The following SDK2 variants were observed in gnomAD, a reference collection of about 807,000 sequenced individuals.
The protein encoded by SDK2 is protein sidekick-2.
SDK2 carries 105 observed loss-of-function variants against 253.9 expected under a neutral mutation model. The observed-to-expected ratio is 0.41, with a 90% confidence interval of 0.35 to 0.49. The LOEUF is 0.49. Ranked by LOEUF, SDK2 falls within the 20% of genes least tolerant of loss-of-function variation. The pLI is 0.06. For missense variants in SDK2, 2,608 were observed against 3,003.0 expected (o/e 0.87, Z 3.07); for synonymous variants, 1,249 against 1,234.9 (o/e 1.01, Z -0.24).
chr17:73,475,174 T>C (rs577851871), intron 2 of SDK2, among the ~76,000 whole-genome samples: 26 of 151,958 alleles, frequency 1.7e-4, no homozygotes, highest in Non-Finnish European at 2.9e-4. Flanking sequence ...TTTTTTGAGA[T>C]GGAGTCTCAC....
chr17:73,640,092 G>A (rs2046379183), intron 1 of SDK2, among the ~76,000 whole-genome samples: 1 of 152,166 alleles, frequency 6.6e-6, no homozygotes, highest in South Asian at 2.1e-4. Context: ...CAGCCATTCA[G>A]GCGCTGTTTA....
intron 2 of SDK2, among the ~76,000 whole-genome samples, chr17:73,483,673 A>G (rs1267803210): frequency 0.33 from 23,271 of 70,632 alleles, 4,816 homozygotes; most frequent in Admixed American, 0.38. Flanking sequence ...ATATATATAT[A>G]TATATATATT....
At chr17:73,547,960 G>A (rs2044991575) in intron 1 of SDK2, among the ~76,000 whole-genome samples, 1 of 152,210 alleles carries the variant, frequency 6.6e-6, no homozygotes. Flanking sequence ...GAAGAAGCAA[G>A]CATGTCTTAC....
chr17:73,493,005 C>T (rs1251485396), intron 2 of SDK2, among the ~76,000 whole-genome samples: 1 of 152,174 alleles, frequency 6.6e-6, no homozygotes, highest in African/African-American at 2.4e-5. Flanking sequence ...GGGTGGAAAG[C>T]GGGAGATTCT....
chr17:73,401,915 G>C (rs759984791), intron 19 of SDK2, 31 bp downstream of exon 19: 23 of 1,519,782 alleles, frequency 1.5e-5, no homozygotes, highest in Middle Eastern at 1.9e-4. Context: ...GGCGGGGGGG[G>C]GCAGAAAGAG....
chr17:73,545,635 T>C (rs1370020968), intron 1 of SDK2, among the ~76,000 whole-genome samples: 2 of 150,888 alleles, frequency 1.3e-5, no homozygotes, highest in Admixed American at 6.6e-5. Context: ...CACTGGGAGG[T>C]TGGGGGACAG....
In SDK2 at chr17:73,474,835, A is replaced by G. The variant is rs370992442; in HGVS notation, c.225-2617T>C. 5.9e-5 allele frequency among the ~76,000 whole-genome samples: 9 copies of G among 152,352 alleles called. No homozygotes were observed. The South Asian group carries it at 6.2e-4, about 11-fold the overall frequency. ...GCTCTCTGCCTTTGGAAATGGAATCAGATATTATTAAAAAGCACCAGAGAG... is the reference window on the plus strand; with the variant it reads ...GCTCTCTGCCTTTGGAAATGGAATCGGATATTATTAAAAAGCACCAGAGAG... On this transcript the variant is annotated intron_variant, in intron 2 of 44. Transcript: ENST00000392650.
chr17:73,414,528 G>T (rs1187682882), intron 18 of SDK2, 116 bp downstream of exon 18: 20 of 764,980 alleles, frequency 2.6e-5, no homozygotes, highest in Non-Finnish European at 3.8e-5. Context: ...AGCTTGACTC[G>T]AGCCAATGAC....
chr17:73,548,462 T>C (rs1272894272), intron 1 of SDK2, among the ~76,000 whole-genome samples: 2 of 152,258 alleles, frequency 1.3e-5, no homozygotes, highest in Non-Finnish European at 2.9e-5. Context: ...CCCCTGCAGC[T>C]TCCTAGGCAC....
intron 29 of SDK2, 47 bp downstream of exon 29, chr17:73,390,240 C>G: frequency 6.8e-7 from 1 of 1,467,402 alleles, no homozygotes; most frequent in East Asian, 2.4e-5. Context: ...CTGGCTGGCC[C>G]CCCCTCAGCT....
intron 1 of SDK2, among the ~76,000 whole-genome samples, chr17:73,623,570 G>C (rs144300403): frequency 6.6e-6 from 1 of 152,204 alleles, no homozygotes; most frequent in Non-Finnish European, 1.5e-5. Context: ...TACCCTAACC[G>C]AGTTCAGTGC....
intron 36 of SDK2, among the ~76,000 whole-genome samples, chr17:73,373,693 G>A (rs1303089385): frequency 6.6e-6 from 1 of 151,924 alleles, no homozygotes; most frequent in East Asian, 1.9e-4. Context: ...GTCTTGCTCT[G>A]TCACCCAGGC....
At chr17:73,528,587 C>T (rs2064144652) in intron 1 of SDK2, among the ~76,000 whole-genome samples, 1 of 152,336 alleles carries the variant, frequency 6.6e-6, no homozygotes. Context: ...TACTGCCTCA[C>T]TAAGCCCCAG....
chr17:73,584,055 C>T (rs1376606788), intron 1 of SDK2, among the ~76,000 whole-genome samples: 1 of 152,224 alleles, frequency 6.6e-6, no homozygotes, highest in African/African-American at 2.4e-5. Context: ...TCACTCAAAG[C>T]TCACAAGGCC....
Position 73,443,010 on chromosome 17 carries a change from A to G in SDK2, c.614-2087T>C, listed in dbSNP as rs1599571195. ...TGCCTGATCCATGGCTCCTGAAAAT[A>G]CAACCTCTGAGGACTTTTTCTCCAC... On this transcript the variant is annotated intron_variant, in intron 5 of 44. Transcript: ENST00000392650. The surrounding 1 kb of genome is among the most constrained non-coding windows in gnomAD (Gnocchi z 4.6). Among the ~76,000 whole-genome samples the G allele has an allele frequency of 6.6e-6, 1 of 152,076 alleles. No individual in the cohort carries two copies. Among genetic ancestry groups the G allele is most frequent in the African/African-American group, 2.4e-5 (1 of 41,416 alleles).
In SDK2 at chr17:73,334,990, A is replaced by T. The variant is rs1261199521; in HGVS notation, c.*3597T>A. On this transcript the variant is annotated 3_prime_UTR_variant, in exon 45 of 45. Coordinates refer to ENST00000392650, the MANE Select transcript of SDK2 (RefSeq NM_001144952.2). Reference sequence around the variant, plus strand: ...ACTGCCCAGGGAGGCGTGGGCAGCAACAGAAGGCCTTGAGGCAGCGTGCAC... The same window carrying T: ...ACTGCCCAGGGAGGCGTGGGCAGCATCAGAAGGCCTTGAGGCAGCGTGCAC... 6.6e-6 allele frequency: 1 copy of T among 152,296 alleles called. No homozygotes were observed. The highest frequency in any genetic ancestry group is 1.5e-5 in the Non-Finnish European group (1 of 68,146). The allele number at this position is 152,296 out of a possible 1,614,324, so 9.4% of individuals were successfully genotyped here.
At chr17:73,350,141 C>A in intron 43 of SDK2, 96 bp downstream of exon 43, 5 of 714,620 alleles carry the variant, frequency 7.0e-6, no homozygotes, top group African/African-American at 2.5e-5. Context: ...CAAGGTATGG[C>A]CAGGTGGGCA....
chr17:73,356,481 A>G (rs1374927427), intron 40 of SDK2, among the ~76,000 whole-genome samples: 2 of 152,166 alleles, frequency 1.3e-5, no homozygotes, highest in Non-Finnish European at 2.9e-5. Flanking sequence ...CTCCTGGCTT[A>G]TAGAAAGGGG....
intron 1 of SDK2, among the ~76,000 whole-genome samples, chr17:73,527,310 G>A (rs1357551607): frequency 6.6e-6 from 1 of 152,208 alleles, no homozygotes; most frequent in African/African-American, 2.4e-5. Context: ...AGCAGGGACT[G>A]CAAGAGTGGG....
Sources: allele counts gnomAD v4.1 joint callset (sites outside exome capture counted in the v4.1 genomes callset), GRCh38; gene constraint gnomAD v4.1.1; non-coding constraint Gnocchi (gnomAD v3.1); transcripts MANE v1.5; gene names NCBI Gene and HGNC (gene_info 2026-07-23, HGNC 2026-07-21).